The following KIAA1217 variants were observed in gnomAD, a reference collection of about 807,000 sequenced individuals.
The protein encoded by KIAA1217 is sickle tail protein homolog.
In KIAA1217, 88 loss-of-function variants were observed where a neutral mutation model predicts 163.9. The ratio of observed to expected loss-of-function variants is 0.54; its 90% CI spans 0.45 to 0.64. KIAA1217 has a LOEUF of 0.64. Among genes scored for constraint, KIAA1217 ranks in the 30% least tolerant of loss-of-function variants. The pLI, the probability that KIAA1217 is intolerant of heterozygous loss-of-function variation, is 0.00. For synonymous variants in KIAA1217, 903 were observed against 923.1 expected (o/e 0.98, Z 0.39); for missense variants, 2,372 against 2,475.0 (o/e 0.96, Z 0.88).
intron 1 of KIAA1217, among the ~76,000 whole-genome samples, chr10:23,771,889 C>A (rs1334368440): frequency 6.6e-6 from 1 of 152,218 alleles, no homozygotes; most frequent in East Asian, 1.9e-4. Context: ...CAATTATCTT[C>A]TGTATTCCTC....
intron 2 of KIAA1217, among the ~76,000 whole-genome samples, chr10:24,126,905 T>C (rs984285816): frequency 7.2e-5 from 11 of 152,120 alleles, no homozygotes; most frequent in Admixed American, 7.2e-4. Flanking sequence ...CAATATCAGT[T>C]TGTATCTTAC....
chr10:24,378,804 C>A (rs75010943), intron 2 of KIAA1217, among the ~76,000 whole-genome samples: 2 of 151,982 alleles, frequency 1.3e-5, no homozygotes, highest in East Asian at 1.9e-4. Context: ...TCAGTGAGAA[C>A]GTGAATAACA....
chr10:24,132,642 G>A (rs1274512225), intron 2 of KIAA1217, among the ~76,000 whole-genome samples: 1 of 152,198 alleles, frequency 6.6e-6, no homozygotes, highest in East Asian at 1.9e-4. Flanking sequence ...AAATTCCAAA[G>A]TGAGGTACCA....
chr10:24,301,093 G>A lies in KIAA1217; in HGVS notation c.355-79776G>A, dbSNP rs189373137. 1.0e-3 allele frequency among the ~76,000 whole-genome samples: 156 copies of A among 152,284 alleles called. 1 individual carries two copies. The highest frequency in any genetic ancestry group is 1.9e-3 in the Non-Finnish European group (126 of 68,030). ...CTCCCAAAGTGCTGGGATTACAGGT[G>A]TGAGCCCCCGCAACTGGCCAGGTCT... On this transcript the variant is annotated intron_variant, in intron 2 of 20. Transcript: ENST00000376454.
chr10:24,148,467 G>A (rs1319635923), intron 2 of KIAA1217, among the ~76,000 whole-genome samples: 6 of 152,188 alleles, frequency 3.9e-5, no homozygotes, highest in African/African-American at 1.4e-4. Context: ...CCTGGTGGGA[G>A]GTGACTGGGT....
chr10:23,892,906 G>A (rs957935658), intron 1 of KIAA1217, among the ~76,000 whole-genome samples: 9 of 151,884 alleles, frequency 5.9e-5, no homozygotes, highest in East Asian at 3.9e-4. Flanking sequence ...CTTATGGTGC[G>A]GAAAACAACG....
intron 2 of KIAA1217, among the ~76,000 whole-genome samples, chr10:24,293,027 A>C (rs909583258): frequency 6.6e-6 from 1 of 151,970 alleles, no homozygotes; most frequent in South Asian, 2.1e-4. Context: ...CATGCTCGGG[A>C]AGTTGTTTTT....
intron 1 of KIAA1217, among the ~76,000 whole-genome samples, chr10:23,788,503 G>C (rs1001482709): frequency 6.6e-6 from 1 of 152,166 alleles, no homozygotes; most frequent in Non-Finnish European, 1.5e-5. Flanking sequence ...AAAAAGGCTT[G>C]GTAGGGATCC....
chr10:24,116,948 G>A (rs1252871933), intron 2 of KIAA1217, among the ~76,000 whole-genome samples: 5 of 152,110 alleles, frequency 3.3e-5, no homozygotes, highest in Admixed American at 1.3e-4. Flanking sequence ...ATTAATACAC[G>A]GTTACTGCTT....
chr10:24,317,137 T>C (rs983837283), intron 2 of KIAA1217, among the ~76,000 whole-genome samples: 4 of 152,158 alleles, frequency 2.6e-5, no homozygotes, highest in African/African-American at 9.7e-5. Context: ...TTTCATGTAG[T>C]TTCTTGTCCA....
At chr10:23,895,677 A>G (rs1296934686) in intron 1 of KIAA1217, among the ~76,000 whole-genome samples, 1 of 152,122 alleles carries the variant, frequency 6.6e-6, no homozygotes, top group African/African-American at 2.4e-5. Context: ...ATGCTGCTAT[A>G]AAGACACATG....
intron 2 of KIAA1217, among the ~76,000 whole-genome samples, chr10:24,229,250 C>T (rs186122595): frequency 8.5e-5 from 13 of 152,200 alleles, no homozygotes; most frequent in East Asian, 3.9e-4. Flanking sequence ...CCTTTGGCCA[C>T]AGTGAAGGTC....
chr10:23,799,176 A>G (rs1201986945), intron 1 of KIAA1217, among the ~76,000 whole-genome samples: 1 of 152,078 alleles, frequency 6.6e-6, no homozygotes, highest in Non-Finnish European at 1.5e-5. Context: ...TTACAAGGGC[A>G]TCAGTCATAT....
At chr10:24,352,106 C>G (rs1423233851) in intron 2 of KIAA1217, among the ~76,000 whole-genome samples, 1 of 152,222 alleles carries the variant, frequency 6.6e-6, no homozygotes, top group Non-Finnish European at 1.5e-5. Flanking sequence ...CTCTTCACAC[C>G]CAAGTGAAGC....
At chr10:23,988,261 C>A (rs532722660) in intron 1 of KIAA1217, among the ~76,000 whole-genome samples, 1 of 152,184 alleles carries the variant, frequency 6.6e-6, no homozygotes, top group African/African-American at 2.4e-5. Flanking sequence ...ATTGTTGCTC[C>A]GCGAGCAGGC....
intron 1 of KIAA1217, among the ~76,000 whole-genome samples, chr10:23,809,294 G>A (rs374124472): frequency 7.2e-5 from 11 of 152,130 alleles, no homozygotes; most frequent in African/African-American, 2.6e-4. Context: ...ACATAGGTTG[G>A]GAGGGGGAGA....
intron 2 of KIAA1217, among the ~76,000 whole-genome samples, chr10:24,038,474 C>G (rs780074365): frequency 5.3e-5 from 8 of 152,134 alleles, no homozygotes; most frequent in Non-Finnish European, 1.2e-4. Flanking sequence ...GTGAAATGAG[C>G]TTGGTGTTCT....
intron 1 of KIAA1217, among the ~76,000 whole-genome samples, chr10:23,731,096 G>A (rs1195536392): frequency 6.6e-6 from 1 of 152,130 alleles, no homozygotes; most frequent in Non-Finnish European, 1.5e-5. Context: ...ATTTGGGAAG[G>A]AGAGCTTTTT....
intron 2 of KIAA1217, among the ~76,000 whole-genome samples, chr10:24,293,440 C>T (rs893777472): frequency 2.0e-5 from 3 of 152,182 alleles, no homozygotes; most frequent in South Asian, 2.1e-4. Flanking sequence ...GGCACTGCCC[C>T]GCCCCGGCCC....
Sources: allele counts gnomAD v4.1 joint callset (sites outside exome capture counted in the v4.1 genomes callset), GRCh38; gene constraint gnomAD v4.1.1; transcripts MANE v1.5; gene names NCBI Gene and HGNC (gene_info 2026-07-23, HGNC 2026-07-21).